DSC2: variants seen among roughly 807,000 people sequenced by gnomAD.
DSC2 encodes the protein desmocollin 2.
DSC2 carries 51 observed loss-of-function variants against 87.6 expected under a neutral mutation model. The observed-to-expected ratio is 0.58, with a 90% CI of 0.46 to 0.74. The LOEUF (loss-of-function observed/expected upper bound fraction) is 0.74, where lower values mean the gene tolerates loss of function less well. DSC2 is among the 30% of genes least tolerant of loss of function. DSC2 has a pLI of 0.00. For missense variants in DSC2, 1,066 were observed against 1,089.5 expected (o/e 0.98, Z 0.30); for synonymous variants, 383 against 393.2 (o/e 0.97, Z 0.31).
Position 31,071,803 on chromosome 18 carries a change from A to G in DSC2, c.1927T>C (p.Phe643Leu). The G allele has an allele frequency of 6.2e-7, 1 of 1,614,004 alleles. No individual in the cohort carries two copies. The highest frequency in any genetic ancestry group is 8.5e-7 in the Non-Finnish European group (1 of 1,179,928). The change falls in exon 13 of 16, where the codon TTT becomes CTT. Residue 643 changes from phenylalanine (F) to leucine (L), a missense_variant. Phe to Leu is a conservative substitution (Grantham distance 22). Coordinates refer to ENST00000280904, the MANE Select transcript of DSC2 (RefSeq NM_024422.6). ...ARLSYQNDPP[F>L]GSYVVPITVR... ...GTTATAGGTACTACATATGAGCCAAATGGAGGATCATTCTGATAGGAAAGA... is the reference window on the plus strand; with the variant it reads ...GTTATAGGTACTACATATGAGCCAAGTGGAGGATCATTCTGATAGGAAAGA...
In DSC2 at chr18:31,074,443, G is replaced by A. The variant is rs985946586; in HGVS notation, c.1888+240C>T. Among the ~76,000 whole-genome samples, 352 of 150,926 alleles carry A rather than the reference G, an allele frequency of 2.3e-3. 2 individuals are homozygous for A. Among genetic ancestry groups the A allele is most frequent in the African/African-American group, 7.9e-3 (325 of 41,062 alleles). On this transcript the variant is annotated intron_variant, in intron 12 of 15. Coordinates refer to ENST00000280904, the MANE Select transcript of DSC2 (RefSeq NM_024422.6). Reference sequence around the variant, plus strand: ...AAAATGTGTGTGTGTGTGTGTGTGTGTGTGTGTGTGTGTGTGTGTGTGTGT... The same window carrying A: ...AAAATGTGTGTGTGTGTGTGTGTGTATGTGTGTGTGTGTGTGTGTGTGTGT...
chr18:31,076,605 A>C (rs766956768), intron 11 of DSC2, among the ~76,000 whole-genome samples: 2 of 152,210 alleles, frequency 1.3e-5, no homozygotes, highest in African/African-American at 2.4e-5. Context: ...TTCCAGTAGA[A>C]AATAAACAGC....
intron 1 of DSC2, among the ~76,000 whole-genome samples, chr18:31,097,610 G>A (rs1380098853): frequency 6.6e-6 from 1 of 151,548 alleles, no homozygotes; most frequent in Non-Finnish European, 1.5e-5. Flanking sequence ...AGCAATGAAA[G>A]GCTATCAACC....
chr18:31,071,480 A>G (rs1409054250), intron 13 of DSC2, 125 bp downstream of exon 13: 7 of 832,326 alleles, frequency 8.4e-6, no homozygotes, highest in South Asian at 4.3e-5. Context: ...CCAGAGGCAG[A>G]GTCTGCAGTG....
In DSC2 at chr18:31,086,682, C is replaced by A. The variant is rs775614779; in HGVS notation, c.836G>T (p.Arg279Leu). Residue 279 changes from arginine (R) to leucine (L), a missense_variant, in exon 7 of 16, where the codon CGC becomes CTC. Arg to Leu is a moderately radical substitution (Grantham distance 102, BLOSUM62 -2). Coordinates refer to ENST00000280904, the MANE Select transcript of DSC2 (RefSeq NM_024422.6). ...CTGCCCAATGATGGAGTACTTCAGG[C>A]GTGTGTGCATCGTGTCAGGCTCATC... The part of the protein sequence containing the change: ...DKDEPDTMHT[R>L]LKYSIIGQVP... 6.2e-7 allele frequency: 1 copy of A among 1,614,090 alleles called. No homozygotes were observed. The highest frequency in any genetic ancestry group is 8.5e-7 in the Non-Finnish European group (1 of 1,180,022).
intron 1 of DSC2, among the ~76,000 whole-genome samples, chr18:31,098,024 G>A (rs1987817637): frequency 6.6e-6 from 1 of 152,030 alleles, no homozygotes; most frequent in Non-Finnish European, 1.5e-5. Context: ...TTATGTATTA[G>A]ATTAGCCTTT....
rs535734314 is a variant in DSC2 at position 31,087,136 on chromosome 18, G to C, written c.776-394C>G. Among the ~76,000 whole-genome samples the C allele has an allele frequency of 5.9e-5, 9 of 152,202 alleles. No homozygotes were observed. The South Asian group carries it at 1.7e-3, about 28-fold the overall frequency. ...GTTCACTTAGACATTTCTAGACAAG[G>C]TCTCCAAAACTGCATTCTGACTTTT... On this transcript the variant is annotated intron_variant, in intron 6 of 15. Coordinates refer to ENST00000280904, the MANE Select transcript of DSC2 (RefSeq NM_024422.6).
intron 1 of DSC2, among the ~76,000 whole-genome samples, chr18:31,094,832 T>C (rs1987713495): frequency 6.6e-6 from 1 of 152,178 alleles, no homozygotes; most frequent in African/African-American, 2.4e-5. Context: ...TATGAAGAAT[T>C]TTCACTGGCT....
At chr18:31,086,344 G>A (rs1987393283) in intron 7 of DSC2, among the ~76,000 whole-genome samples, 1 of 152,114 alleles carries the variant, frequency 6.6e-6, no homozygotes, top group Non-Finnish European at 1.5e-5. Context: ...CTGTAAATAT[G>A]TTTATATCAG....
At chr18:31,075,271 T>C (rs1986977849) in intron 11 of DSC2, among the ~76,000 whole-genome samples, 2 of 152,130 alleles carry the variant, frequency 1.3e-5, no homozygotes, top group Admixed American at 1.3e-4. Context: ...ACCCGTGATC[T>C]GGAGACAATG....
rs532082848 is a variant in DSC2, at chr18:31,078,746, T to C, written c.1663+1101A>G. Among the ~76,000 whole-genome samples, 32 of 152,320 alleles carry C rather than the reference T, an allele frequency of 2.1e-4. No homozygotes were observed. The South Asian group carries it at 5.4e-3, about 26-fold the overall frequency. Reference sequence around the variant, plus strand: ...GAGAACTGGAATACATAAATCATCTTCCAAAATCACTTCTAAATTCTAATT... The same window carrying C: ...GAGAACTGGAATACATAAATCATCTCCCAAAATCACTTCTAAATTCTAATT... On this transcript the variant is annotated intron_variant, in intron 11 of 15. Coordinates refer to ENST00000280904, the MANE Select transcript of DSC2 (RefSeq NM_024422.6).
rs79421832 is a variant in DSC2 at position 31,098,124 on chromosome 18, G to A, written c.69+3779C>T. Among the ~76,000 whole-genome samples, 21 of 152,010 alleles carry A rather than the reference G, an allele frequency of 1.4e-4. No homozygotes were observed. The East Asian group carries it at 2.3e-3, about 17-fold the overall frequency. ...TTTGGTTGGTTAGAGGTGTTTTTTC[G>A]CCATGAAGAAGTATGTATATATGTA... On this transcript the variant is annotated intron_variant, in intron 1 of 15. Coordinates refer to ENST00000280904, the MANE Select transcript of DSC2 (RefSeq NM_024422.6).
At chr18:31,086,198 A>G (rs1987388722) in intron 7 of DSC2, among the ~76,000 whole-genome samples, 1 of 152,206 alleles carries the variant, frequency 6.6e-6, no homozygotes, top group Non-Finnish European at 1.5e-5. Context: ...AAAATGGGAA[A>G]CCAGAGATTA....
rs1462640047 is a variant in DSC2, at chr18:31,082,228, T to C, written c.1263+10A>G. ...TATAAACTACAAATAATGTTCTAATTTATTCTTACCTTAACTACACAAAGA... is the reference window on the plus strand; with the variant it reads ...TATAAACTACAAATAATGTTCTAATCTATTCTTACCTTAACTACACAAAGA... On this transcript the variant is annotated intron_variant, in intron 9 of 15. Coordinates refer to ENST00000280904, the MANE Select transcript of DSC2 (RefSeq NM_024422.6). 4 of 1,609,162 alleles carry C rather than the reference T, an allele frequency of 2.5e-6. No individual in the cohort carries two copies. In the African/African-American group the frequency reaches 5.3e-5, roughly 22 times the overall value.
At chr18:31,082,835 G>A in intron 8 of DSC2, 91 bp downstream of exon 8, 1 of 1,448,180 alleles carries the variant, frequency 6.9e-7, no homozygotes, top group South Asian at 1.2e-5. Context: ...TGAGATTACA[G>A]GCGTGAGCCA....
rs772463979 is a variant in DSC2, at chr18:31,086,565, G to T, written c.942+11C>A. ...CACGTTATAATCAGGTTTTATTAAT[G>T]TTTATGTTACCTCTCTGTCTAGCTG... is the stretch of plus-strand genomic sequence containing the variant. On this transcript the variant is annotated intron_variant, in intron 7 of 15. Transcript: ENST00000280904. The T allele has an allele frequency of 6.2e-7, 1 of 1,613,990 alleles. No homozygotes were observed. Among genetic ancestry groups the T allele is most frequent in the African/African-American group, 1.3e-5 (1 of 74,994 alleles).
At chr18:31,075,248 G>A (rs1175669162) in intron 11 of DSC2, among the ~76,000 whole-genome samples, 3 of 152,112 alleles carry the variant, frequency 2.0e-5, no homozygotes, top group Non-Finnish European at 2.9e-5. Flanking sequence ...AGATGGAAAC[G>A]CACGTTATAC....
At chr18:31,094,275 G>C (rs1016101747) in intron 1 of DSC2, among the ~76,000 whole-genome samples, 2 of 152,162 alleles carry the variant, frequency 1.3e-5, no homozygotes, top group African/African-American at 4.8e-5. Flanking sequence ...AAAAGTAAAT[G>C]CTTTTAAAGA....
At position 31,071,741 on chromosome 18, in the gene DSC2, T is replaced by C. The variant is rs1228755768; in HGVS notation, c.1989A>G (p.Ser663=). The C allele has an allele frequency of 1.2e-6, 2 of 1,613,782 alleles. No individual in the cohort carries two copies. The highest frequency in any genetic ancestry group is 1.1e-5 in the South Asian group (1 of 91,068). The change falls in exon 13 of 16, where the codon TCA becomes TCG. Residue 663 remains serine, a synonymous_variant. Transcript: ENST00000280904. ...RDRLGMSSVT[S]LDVTLCDCIT... ...TGCAGTCACACAGTGTAACATCCAA[T>C]GAAGTGACACTAGACATGCCAAGTC...
Sources: allele counts gnomAD v4.1 joint callset (sites outside exome capture counted in the v4.1 genomes callset), GRCh38; gene constraint gnomAD v4.1.1; transcripts MANE v1.5; gene names NCBI Gene and HGNC (gene_info 2026-07-23, HGNC 2026-07-21).